The following KHDRBS1 variants were observed in gnomAD, a reference collection of about 807,000 sequenced individuals.
KHDRBS1 encodes KH RNA binding domain containing, signal transduction associated 1.
Under a neutral mutation model 48.4 loss-of-function variants are expected in KHDRBS1, and 7 were observed. That is an observed-to-expected ratio of 0.14 (90% confidence interval 0.08 to 0.27). The LOEUF (loss-of-function observed/expected upper bound fraction) is 0.27. KHDRBS1 is among the 10% of genes least tolerant of loss of function. KHDRBS1 has a pLI of 1.00. For missense variants in KHDRBS1, 458 were observed against 601.2 expected (o/e 0.76, Z 2.49); for synonymous variants, 241 against 235.8 (o/e 1.02, Z -0.20).
chr1:32,030,841 C>CTT (rs777371667), intron 2 of KHDRBS1, among the ~76,000 whole-genome samples: 1 of 141,168 alleles, frequency 7.1e-6, no homozygotes, highest in African/African-American at 2.6e-5. Flanking sequence ...TTTTTTCTTC[C>CTT]TTTTTTTTTT....
At chr1:32,040,763 C>G (rs1227064191) in intron 8 of KHDRBS1, among the ~76,000 whole-genome samples, 1 of 152,142 alleles carries the variant, frequency 6.6e-6, no homozygotes, top group Non-Finnish European at 1.5e-5. Context: ...AGGGGCTCAG[C>G]GATTGACAGT....
intron 10 of KHDRBS1, chr1:32,052,434 G>T (rs1474507243): frequency 2.7e-5 from 4 of 149,930 alleles, no homozygotes; most frequent in Non-Finnish European, 5.9e-5. Context: ...GTCTCACTCT[G>T]TCGCCCGGGC....
intron 1 of KHDRBS1, among the ~76,000 whole-genome samples, chr1:32,029,664 GAAA>G (rs1364081223): frequency 6.6e-6 from 1 of 151,748 alleles, no homozygotes; most frequent in Non-Finnish European, 1.5e-5. Flanking sequence ...TTTCAAAAAA[GAAA>G]AAAAAGTACC....
chr1:32,024,307 T>A (rs979671588), intron 1 of KHDRBS1, among the ~76,000 whole-genome samples: 5 of 151,526 alleles, frequency 3.3e-5, no homozygotes, highest in Non-Finnish European at 7.4e-5. Context: ...TTTTCTAAAA[T>A]TTTTTATTAA....
rs995663670 is a variant in KHDRBS1, at chr1:32,013,871, T to C, written c.-125T>C. On this transcript the variant is annotated 5_prime_UTR_variant, in exon 1 of 9. Coordinates refer to ENST00000327300, the MANE Select transcript of KHDRBS1 (RefSeq NM_006559.3). ...GCCGCCTCATTTCCGGTGCTCTCTC[T>C]CGCTGGGTCGCTCGGGTCGGCTTCG... The C allele has an allele frequency of 3.2e-6, 3 of 934,452 alleles. No homozygotes were observed. The highest frequency in any genetic ancestry group is 4.3e-5 in the Admixed American group (1 of 23,346). The allele number at this position is 934,452 out of a possible 1,614,324, so 57.9% of individuals were successfully genotyped here.
intron 2 of KHDRBS1, among the ~76,000 whole-genome samples, chr1:32,030,811 T>G (rs1639066823): frequency 6.6e-6 from 1 of 152,026 alleles, no homozygotes; most frequent in African/African-American, 2.4e-5. Context: ...TTACTAAAAG[T>G]TTACTTTTAA....
At chr1:32,055,755 A>G (rs189455349) in intron 10 of KHDRBS1, among the ~76,000 whole-genome samples, 54 of 152,172 alleles carry the variant, frequency 3.5e-4, no homozygotes, top group Admixed American at 2.6e-3. Flanking sequence ...CCCTAGTCCT[A>G]TTGTAGCCTG....
chr1:32,039,144 A>G (rs1639237972), intron 7 of KHDRBS1, among the ~76,000 whole-genome samples: 1 of 152,180 alleles, frequency 6.6e-6, no homozygotes, highest in African/African-American at 2.4e-5. Flanking sequence ...GTCCATATAT[A>G]TAGCTTACCT....
chr1:32,047,267 C>T (rs1639368413), downstream of KHDRBS1, among the ~76,000 whole-genome samples: 2 of 152,072 alleles, frequency 1.3e-5, no homozygotes, highest in Admixed American at 6.6e-5. Flanking sequence ...CAAGCGATTC[C>T]CCTGCCTCAG....
In KHDRBS1 at chr1:32,037,053, A is replaced by G. The variant is rs750099636; in HGVS notation, c.905+10A>G. The G allele has an allele frequency of 8.9e-5, 144 of 1,612,382 alleles. No individual in the cohort carries two copies. The highest frequency in any genetic ancestry group is 8.8e-5 in the Non-Finnish European group (104 of 1,179,338). ...CACCACCTGTTCCCAGGTAAAAATA[A>G]TGGAGACACCCAGAAATAGGATGTG... On this transcript the variant is annotated intron_variant, in intron 5 of 8. Coordinates refer to ENST00000327300, the MANE Select transcript of KHDRBS1 (RefSeq NM_006559.3).
intron 1 of KHDRBS1, among the ~76,000 whole-genome samples, chr1:32,026,060 G>T (rs909859562): frequency 6.6e-6 from 1 of 151,424 alleles, no homozygotes; most frequent in Non-Finnish European, 1.5e-5. Flanking sequence ...GATTACAAGC[G>T]CATGTGCCAC....
intron 3 of KHDRBS1, 67 bp from the exon 4 acceptor site, chr1:32,033,121 G>A (rs1289129067): frequency 1.6e-6 from 2 of 1,277,210 alleles, no homozygotes; most frequent in Non-Finnish European, 2.3e-6. Context: ...TGTTCCTTTG[G>A]CTTAGAGGTA....
intron 1 of KHDRBS1, 137 bp downstream of exon 1, chr1:32,014,514 C>T: frequency 4.3e-6 from 4 of 937,420 alleles, no homozygotes; most frequent in Non-Finnish European, 5.7e-6. Context: ...TTTTTGGGAG[C>T]CTGGATTCCA....
In KHDRBS1 at chr1:32,039,568, CT is replaced by C; in HGVS notation, c.1231del (p.Tyr411MetfsTer13). 4 of 1,483,698 alleles carry C rather than the reference CT, an allele frequency of 2.7e-6. No homozygotes were observed. Among genetic ancestry groups the C allele is most frequent in the Non-Finnish European group, 2.8e-6 (3 of 1,061,270 alleles). 91.9% of individuals were successfully genotyped at this position (1,483,698 alleles called of 1,614,324 possible). On this transcript the variant is annotated frameshift_variant, in exon 8 of 9. Transcript: ENST00000327300. LOFTEE classifies it high-confidence loss of function. ...GHGEVQDSYEAYGQDDWNGTR... is the reference protein window; with the variant it reads ...GHGEVQDSYEXYGQDDWNGTR... The stretch of plus-strand genomic sequence containing the variant: ...GGGGAGGTTCAAGATTCTTATGAAG[CT>C]TATGGTATGTCTTTATCTCTGTGGT...
intron 2 of KHDRBS1, among the ~76,000 whole-genome samples, chr1:32,030,831 T>C (rs1451934416): frequency 6.6e-6 from 1 of 152,010 alleles, no homozygotes; most frequent in Non-Finnish European, 1.5e-5. Context: ...AGTAAATGCT[T>C]TTTTTCTTCC....
Position 32,037,767 on chromosome 1 carries a change from A to C in KHDRBS1, c.906-68A>C, listed in dbSNP as rs1033940597. The C allele has an allele frequency of 9.0e-6, 14 of 1,547,210 alleles. No homozygotes were observed. The African/African-American group carries it at 1.5e-4, about 17-fold the overall frequency. On this transcript the variant is annotated intron_variant, in intron 5 of 8. Coordinates refer to ENST00000327300, the MANE Select transcript of KHDRBS1 (RefSeq NM_006559.3). ...AATCTGCCTAATTCCAGAATTTGTAAACAAATCAGAACATAAAAGTGGCCT... is the reference window on the plus strand; with the variant it reads ...AATCTGCCTAATTCCAGAATTTGTACACAAATCAGAACATAAAAGTGGCCT...
intron 3 of KHDRBS1, 100 bp from the exon 4 acceptor site, chr1:32,033,088 T>C (rs1639112435): frequency 3.6e-6 from 3 of 823,322 alleles, no homozygotes; most frequent in Non-Finnish European, 6.0e-6. Context: ...CTGTTTTTCA[T>C]GGACATTAGG....
chr1:32,044,858 CTT>C (rs1440303794), downstream of KHDRBS1, among the ~76,000 whole-genome samples: 1 of 152,176 alleles, frequency 6.6e-6, no homozygotes, highest in African/African-American at 2.4e-5. Context: ...ACATATTTCT[CTT>C]TTACATAAAC....
intron 1 of KHDRBS1, among the ~76,000 whole-genome samples, chr1:32,022,272 A>G (rs1638874755): frequency 6.6e-6 from 1 of 152,132 alleles, no homozygotes; most frequent in Non-Finnish European, 1.5e-5. Context: ...TGCTGGGATT[A>G]CAGGTGTGAG....
Sources: gnomAD v4.1 joint callset for allele counts (sites outside exome capture counted in the v4.1 genomes callset) on GRCh38, gnomAD v4.1.1 for gene constraint, MANE v1.5 for transcripts, NCBI Gene and HGNC (gene_info 2026-07-23, HGNC 2026-07-21) for gene names.